Variants in ITK observed in about 807,000 individuals in gnomAD.
ITK encodes IL2 inducible T cell kinase.
Under a neutral mutation model 87.6 loss-of-function variants are expected in ITK, and 45 were observed. That is an observed-to-expected ratio of 0.51 (90% confidence interval 0.40 to 0.66). ITK has a LOEUF of 0.66. Ranked by LOEUF, ITK falls within the 30% of genes least tolerant of loss-of-function variation. The pLI, the probability that ITK is intolerant of heterozygous loss-of-function variation, is 0.00. For synonymous variants in ITK, 303 were observed against 273.6 expected (o/e 1.11, Z -1.06); for missense variants, 605 against 766.3 (o/e 0.79, Z 2.48).
intron 1 of ITK, among the ~76,000 whole-genome samples, chr5:157,182,455 C>T (rs1005550175): frequency 2.6e-5 from 4 of 152,168 alleles, no homozygotes; most frequent in Non-Finnish European, 2.9e-5. Context: ...AAGTTGCAGG[C>T]GAAATAGCTC....
intron 1 of ITK, among the ~76,000 whole-genome samples, chr5:157,204,028 C>T (rs1337637759): frequency 4.6e-5 from 7 of 152,140 alleles, no homozygotes; most frequent in African/African-American, 7.2e-5. Context: ...TTGTTTGAAA[C>T]GGTGTCCTGC....
intron 5 of ITK, among the ~76,000 whole-genome samples, chr5:157,219,667 G>T (rs888020003): frequency 6.6e-6 from 1 of 152,194 alleles, no homozygotes; most frequent in Non-Finnish European, 1.5e-5. Flanking sequence ...AACTGTAGCA[G>T]AGAATGAGCT....
chr5:157,242,598 C>G (rs533551567), intron 11 of ITK, among the ~76,000 whole-genome samples: 1 of 152,214 alleles, frequency 6.6e-6, no homozygotes, highest in African/African-American at 2.4e-5. Context: ...ACCTCAGCCT[C>G]CCAAGTAGCT....
intron 3 of ITK, 105 bp downstream of exon 3, chr5:157,211,473 T>C (rs892703431): frequency 1.0e-6 from 1 of 993,364 alleles, no homozygotes; most frequent in African/African-American, 1.6e-5. Flanking sequence ...TGATGGCTGA[T>C]TTCTCTTTTG....
In ITK at chr5:157,245,896, T is replaced by C. The variant is rs545214000; in HGVS notation, c.1530T>C (p.Asp510=). The part of the protein sequence containing the change: ...DFGMTRFVLD[D]QYTSSTGTKF... Reference sequence around the variant, plus strand: ...CTCTTCCCAGGTTCGTTCTGGATGATCAGTACACCAGTTCCACAGGCACCA... The same window carrying C: ...CTCTTCCCAGGTTCGTTCTGGATGACCAGTACACCAGTTCCACAGGCACCA... The change falls in exon 15 of 17, where the codon GAT becomes GAC. Residue 510 remains aspartate (D), a synonymous_variant. Coordinates refer to ENST00000422843, the MANE Select transcript of ITK (RefSeq NM_005546.4). The C allele has an allele frequency of 4.3e-5, 70 of 1,614,036 alleles. 1 individual carries two copies. In the South Asian group the frequency reaches 7.2e-4, roughly 17 times the overall value.
At chr5:157,232,266 T>G in intron 7 of ITK, 74 bp from the exon 8 acceptor site, 1 of 1,028,894 alleles carries the variant, frequency 9.7e-7, no homozygotes, top group South Asian at 1.3e-5. Context: ...TATGATTTTC[T>G]AGCATTGTCT....
chr5:157,203,302 A>T (rs901225000), intron 1 of ITK, among the ~76,000 whole-genome samples: 2 of 152,338 alleles, frequency 1.3e-5, no homozygotes, highest in African/African-American at 4.8e-5. Context: ...CTGAATGGCT[A>T]AATGTACTAG....
intron 1 of ITK, among the ~76,000 whole-genome samples, chr5:157,203,211 TGA>T (rs889476005): frequency 4.6e-5 from 7 of 152,236 alleles, no homozygotes; most frequent in African/African-American, 7.2e-5. Flanking sequence ...ACGGGCTCTG[TGA>T]GAGTCTATCA....
At chr5:157,219,479 C>T (rs1050386439) in intron 5 of ITK, among the ~76,000 whole-genome samples, 2 of 152,154 alleles carry the variant, frequency 1.3e-5, no homozygotes, top group Non-Finnish European at 2.9e-5. Flanking sequence ...TTTCAGATTC[C>T]ATTTCCTCAT....
At chr5:157,186,954 C>T (rs766474205) in intron 1 of ITK, among the ~76,000 whole-genome samples, 9 of 152,208 alleles carry the variant, frequency 5.9e-5, no homozygotes, top group Non-Finnish European at 8.8e-5. Flanking sequence ...GTCCCTACAG[C>T]GGCTCTCCCC....
intron 9 of ITK, among the ~76,000 whole-genome samples, chr5:157,239,255 A>C (rs1195256846): frequency 1.3e-5 from 2 of 152,228 alleles, no homozygotes; most frequent in African/African-American, 4.8e-5. Flanking sequence ...CAAAATCAGC[A>C]ACGGGAAAAG....
intron 8 of ITK, among the ~76,000 whole-genome samples, chr5:157,235,760 C>T (rs1002599628): frequency 1.3e-5 from 2 of 152,210 alleles, no homozygotes; most frequent in African/African-American, 4.8e-5. Flanking sequence ...ATTATCAGTC[C>T]ATCTGTTCAC....
chr5:157,224,640 G>A (rs1754494691), intron 6 of ITK, among the ~76,000 whole-genome samples: 1 of 152,156 alleles, frequency 6.6e-6, no homozygotes, highest in South Asian at 2.1e-4. Flanking sequence ...AATTAGCTGG[G>A]TGTGGTGGCA....
At chr5:157,181,141 T>C in intron 1 of ITK, 26 bp downstream of exon 1, 1 of 1,613,502 alleles carries the variant, frequency 6.2e-7, no homozygotes, top group Non-Finnish European at 8.5e-7. Context: ...CATTTGTCTT[T>C]TTTCGCATAG....
intron 10 of ITK, 46 bp downstream of exon 10, chr5:157,240,241 G>A (rs1754861903): frequency 1.9e-6 from 3 of 1,578,944 alleles, no homozygotes; most frequent in East Asian, 4.5e-5. Flanking sequence ...AGCAGGAGGT[G>A]AGCAGCAGGT....
At chr5:157,227,454 G>A (rs188069618) in intron 6 of ITK, among the ~76,000 whole-genome samples, 178 of 152,160 alleles carry the variant, frequency 1.2e-3, no homozygotes, top group Non-Finnish European at 1.9e-3. Context: ...TGTTTATACC[G>A]TTCATATCTG....
At chr5:157,233,265 G>A (rs904848032) in intron 8 of ITK, among the ~76,000 whole-genome samples, 3 of 152,166 alleles carry the variant, frequency 2.0e-5, no homozygotes, top group Non-Finnish European at 4.4e-5. Context: ...CTTGTCCTGT[G>A]ACCAACACAG....
intron 1 of ITK, among the ~76,000 whole-genome samples, chr5:157,191,450 C>T (rs199741158): frequency 6.6e-6 from 1 of 152,098 alleles, no homozygotes; most frequent in Non-Finnish European, 1.5e-5. Flanking sequence ...ATATTCTGAT[C>T]CTCATATTGT....
intron 11 of ITK, 96 bp downstream of exon 11, chr5:157,241,816 C>A: frequency 1.2e-6 from 1 of 812,726 alleles, no homozygotes; most frequent in Non-Finnish European, 2.1e-6. Context: ...CCTCAGACTA[C>A]AAATCACCAT....
Sources: allele counts gnomAD v4.1 joint callset (sites outside exome capture counted in the v4.1 genomes callset), GRCh38; gene constraint gnomAD v4.1.1; transcripts MANE v1.5; gene names NCBI Gene and HGNC (gene_info 2026-07-23, HGNC 2026-07-21).